ODC1: variants seen among roughly 807,000 people sequenced by gnomAD.
ODC1 encodes the protein ornithine decarboxylase.
A neutral mutation model predicts 41.5 loss-of-function variants in ODC1; 18 were observed. The observed-to-expected ratio is 0.43, with a 90% CI of 0.30 to 0.64. The LOEUF is 0.64. Among genes scored for constraint, ODC1 ranks in the 30% least tolerant of loss-of-function variants. The pLI is 0.11. For missense variants in ODC1, 504 were observed against 589.0 expected, an observed-to-expected ratio of 0.86 and a Z score of 1.49; for synonymous variants, 218 against 211.6, an observed-to-expected ratio of 1.03 and a Z score of -0.26.
chr2:10,445,728 C>T (rs28362386), intron 1 of ODC1, among the ~76,000 whole-genome samples: 1,605 of 152,060 alleles, frequency 0.011, 20 homozygotes, highest in African/African-American at 0.036. Context: ...CTCTGCCTCC[C>T]GGGTTCAAGC....
At position 10,445,035 on chromosome 2, in the gene ODC1, T is replaced by G; in HGVS notation, c.-3A>C. Reference sequence around the variant, plus strand: ...TCTTCATTACCAAAGTTGTTCATGATTTCTTGATGTTCCTCTGAAATGCAA... The same window carrying G: ...TCTTCATTACCAAAGTTGTTCATGAGTTCTTGATGTTCCTCTGAAATGCAA... On this transcript the variant is annotated 5_prime_UTR_variant, in exon 3 of 12. Coordinates refer to ENST00000234111, the MANE Select transcript of ODC1 (RefSeq NM_002539.3). 1 of 1,590,368 alleles carries G rather than the reference T, an allele frequency of 6.3e-7. No individual in the cohort carries two copies. The highest frequency in any genetic ancestry group is 1.3e-5 in the African/African-American group (1 of 74,618).
intron 1 of ODC1, chr2:10,446,764 C>G: frequency 4.3e-6 from 2 of 462,980 alleles, no homozygotes; most frequent in Non-Finnish European, 8.4e-6. Flanking sequence ...AGAGGCCAGG[C>G]AATGGTTCGG....
chr2:10,442,970 C>A (rs545124144), intron 8 of ODC1, among the ~76,000 whole-genome samples: 1 of 152,162 alleles, frequency 6.6e-6, no homozygotes, highest in Non-Finnish European at 1.5e-5. Context: ...ACCTTGGCCT[C>A]CCCAAGTGCT....
rs1287245705 is a variant in ODC1 at position 10,441,642 on chromosome 2, A to C, written c.1108T>G (p.Cys370Gly). ...CCCACATGCATTTCAGGCAGGTCACAGCGCTCAACAATCCGATCGAGGCCA... is the reference window on the plus strand; with the variant it reads ...CCCACATGCATTTCAGGCAGGTCACCGCGCTCAACAATCCGATCGAGGCCA... ...CDGLDRIVER[C>G]DLPEMHVGDW... is the part of the protein sequence containing the mutation. Residue 370 changes from cysteine (C) to glycine (G), a missense_variant, in exon 11 of 12, where the codon TGT becomes GGT. This residue lies in a region of ODC1 where 447 missense variants were observed against 524.4 expected (regional missense o/e 0.85). Transcript: ENST00000234111. The C allele has an allele frequency of 6.2e-7, 1 of 1,614,254 alleles. No individual in the cohort carries two copies. The highest frequency in any genetic ancestry group is 8.5e-7 in the Non-Finnish European group (1 of 1,180,058).
rs1572148079 is a variant in ODC1 at position 10,446,691 on chromosome 2, C to T, written c.-127-1427G>A. ...TTATTTTAACCTTTAAAAATTTCTG[C>T]CAGGTAGAGCTTTCTTCTTTTCCAC... On this transcript the variant is annotated intron_variant, in intron 1 of 11. Coordinates refer to ENST00000234111, the MANE Select transcript of ODC1 (RefSeq NM_002539.3). The T allele has an allele frequency of 9.9e-6, 4 of 405,974 alleles. No individual in the cohort carries two copies. The East Asian group carries it at 2.6e-4, about 27-fold the overall frequency. 25.1% of individuals were successfully genotyped at this position (405,974 alleles called of 1,614,324 possible). A position where few individuals can be genotyped will look rare whatever the true frequency, so the allele number is the denominator to read the frequency against.
rs28362372 is a variant in ODC1 at position 10,448,293 on chromosome 2, G to GGGCGGCGGC, written c.-309_-301dup. 2.0e-5 allele frequency: 5 copies of GGGCGGCGGC among 248,054 alleles called. No homozygotes were observed. The highest frequency in any genetic ancestry group is 3.8e-5 in the Non-Finnish European group (5 of 130,274). 15.4% of individuals were successfully genotyped at this position (248,054 alleles called of 1,614,324 possible). On this transcript the variant is annotated 5_prime_UTR_variant, in exon 1 of 12. Transcript: ENST00000234111. ...CCGGAGCTGCTGGCAGAGGGGCGGCGGGCGGCGGCGGCGGCGGCTACAGGA... is the reference window on the plus strand; with the variant it reads ...CCGGAGCTGCTGGCAGAGGGGCGGCGGGCGGCGGCGGCGGCGGCGGCGGCGGCTACAGGA...
Position 10,444,245 on chromosome 2 carries a change from C to T in ODC1, c.299G>A (p.Ser100Asn). 1 of 1,595,704 alleles carries T rather than the reference C, an allele frequency of 6.3e-7. No individual in the cohort carries two copies. The highest frequency in any genetic ancestry group is 8.5e-7 in the Non-Finnish European group (1 of 1,173,530). ...ASKTEIQLVQ[S>N]LGVPPERIIY... Reference sequence around the variant, plus strand: ...AATCCTCTCTGGAGGCACCCCCAGACTCTGCACCAACTGTATTTCAGTCTG... The same window carrying T: ...AATCCTCTCTGGAGGCACCCCCAGATTCTGCACCAACTGTATTTCAGTCTG... The change falls in exon 5 of 12, where the codon AGT (serine) becomes AAT (asparagine). Residue 100 changes from serine to asparagine, a missense_variant. By Grantham distance (46) the Ser-to-Asn change is conservative (BLOSUM62 1). Transcript: ENST00000234111.
At chr2:10,444,825 C>T in intron 3 of ODC1, 106 bp downstream of exon 3, 1 of 892,924 alleles carries the variant, frequency 1.1e-6, no homozygotes, top group Non-Finnish European at 1.8e-6. Flanking sequence ...TTCTACATTC[C>T]ATAACAAGAC....
intron 7 of ODC1, 56 bp from the exon 8 acceptor site, chr2:10,443,369 A>G: frequency 1.9e-6 from 3 of 1,571,002 alleles, no homozygotes; most frequent in Non-Finnish European, 2.6e-6. Flanking sequence ...AAATGTATGC[A>G]GCAGATAGGC....
chr2:10,445,117 A>G (rs371877950), intron 2 of ODC1, 38 bp downstream of exon 2: 8 of 789,174 alleles, frequency 1.0e-5, no homozygotes, highest in Middle Eastern at 2.3e-4. Context: ...ACAATTCTTA[A>G]GATTAACCTG....
rs1486684763 is a variant in ODC1, at chr2:10,441,495, C to A, written c.1241+14G>T. 1 of 1,611,444 alleles carries A rather than the reference C, an allele frequency of 6.2e-7. No individual in the cohort carries two copies. Among genetic ancestry groups the A allele is most frequent in the East Asian group, 2.2e-5 (1 of 44,790 alleles). ...TATTCTTGGCAGCACCATCAACATG[C>A]ATGGCTTACTTACCACGCAGGCCCT... On this transcript the variant is annotated intron_variant, in intron 11 of 11. Coordinates refer to ENST00000234111, the MANE Select transcript of ODC1 (RefSeq NM_002539.3).
chr2:10,443,880 C>A (rs1364428294), intron 5 of ODC1, 44 bp from the exon 6 acceptor site: 3 of 1,601,334 alleles, frequency 1.9e-6, no homozygotes, highest in South Asian at 1.1e-5. Flanking sequence ...GATAGATGTT[C>A]ACTTATAGCC....
At chr2:10,446,529 T>C (rs1437246528) in intron 1 of ODC1, among the ~76,000 whole-genome samples, 1 of 152,210 alleles carries the variant, frequency 6.6e-6, no homozygotes, top group Non-Finnish European at 1.5e-5. Context: ...CGTATTTGCT[T>C]AGCTATGAGA....
At chr2:10,442,212 T>C (rs746815110) in intron 8 of ODC1, 38 bp from the exon 9 acceptor site, 3 of 1,561,218 alleles carry the variant, frequency 1.9e-6, no homozygotes, top group East Asian at 2.3e-5. Context: ...GCAGCCTTCA[T>C]TGTGGGAAAT....
At position 10,441,892 on chromosome 2, in the gene ODC1, A is replaced by G. The variant is rs149519682; in HGVS notation, c.951T>C (p.Tyr317=). Reference sequence around the variant, plus strand: ...ATGATCCATAGACGCCATCATTCACATAATACATAAAGGTCTGCTCACTCG... The same window carrying G: ...ATGATCCATAGACGCCATCATTCACGTAATACATAAAGGTCTGCTCACTCG... ...DESSEQTFMY[Y]VNDGVYGSFN... The change falls in exon 10 of 12, where the codon TAT becomes TAC. Residue 317 remains tyrosine (Y), a synonymous_variant. Transcript: ENST00000234111. The G allele has an allele frequency of 4.8e-5, 77 of 1,614,106 alleles. No homozygotes were observed. In the East Asian group the frequency reaches 1.4e-3, roughly 30 times the overall value.
At chr2:10,441,348 T>C (rs183702659) in intron 11 of ODC1, among the ~76,000 whole-genome samples, 161 bp downstream of exon 11, 2 of 152,334 alleles carry the variant, frequency 1.3e-5, no homozygotes, top group East Asian at 1.9e-4. Context: ...TCCAATTACA[T>C]AGAAATACAC....
At chr2:10,446,133 T>A (rs938296344) in intron 1 of ODC1, among the ~76,000 whole-genome samples, 2 of 58,134 alleles carry the variant, frequency 3.4e-5, no homozygotes, top group Non-Finnish European at 5.6e-5. Flanking sequence ...GAATTCAGTA[T>A]TTTTTTTTTT....
Position 10,443,591 on chromosome 2 carries a change from C to T in ODC1, c.585-20G>A, listed in dbSNP as rs765695722. The stretch of plus-strand genomic sequence containing the variant: ...TGGAAGCTGGGGTAAAATAAAGAGA[C>T]GAGACACTGTGTCTTAGTATTTCTT... On this transcript the variant is annotated intron_variant, in intron 6 of 11. Coordinates refer to ENST00000234111, the MANE Select transcript of ODC1 (RefSeq NM_002539.3). 1.9e-5 allele frequency: 30 copies of T among 1,611,350 alleles called. No individual in the cohort carries two copies. The highest frequency in any genetic ancestry group is 2.4e-5 in the Non-Finnish European group (28 of 1,177,784).
rs548861296 is a variant in ODC1 at position 10,441,880 on chromosome 2, G to A, written c.963C>T (p.Gly321=). The A allele has an allele frequency of 5.4e-4, 865 of 1,614,052 alleles. 7 individuals are homozygous for A. The South Asian group carries it at 7.5e-3, about 14-fold the overall frequency. Residue 321 remains glycine, a synonymous_variant, in exon 10 of 12, where the codon GGC becomes GGT. Transcript: ENST00000234111. ...EQTFMYYVND[G]VYGSFNCILY... is the part of the protein sequence containing the mutation. ...GTATGCAATTAAATGATCCATAGAC[G>A]CCATCATTCACATAATACATAAAGG...
Sources: allele counts gnomAD v4.1 joint callset (sites outside exome capture counted in the v4.1 genomes callset), GRCh38; gene constraint gnomAD v4.1.1; regional missense constraint gnomAD v4.1.1; transcripts MANE v1.5; gene names NCBI Gene and HGNC (gene_info 2026-07-23, HGNC 2026-07-21).